Variants in ZDHHC14 observed in about 807,000 individuals in gnomAD.
ZDHHC14 encodes palmitoyltransferase ZDHHC14.
Under a neutral mutation model 47.7 loss-of-function variants are expected in ZDHHC14, and 16 were observed. That is an observed-to-expected ratio of 0.34 (90% CI 0.23 to 0.51). ZDHHC14 has a LOEUF of 0.51. Among genes scored for constraint, ZDHHC14 ranks in the 20% least tolerant of loss-of-function variants. The probability of loss-of-function intolerance (pLI) is 0.97; values close to 1 mark genes in which losing one functional copy is unlikely to be tolerated. For missense variants in ZDHHC14, 515 were observed against 662.5 expected, an observed-to-expected ratio of 0.78 and a Z score of 2.44; for synonymous variants, 293 against 278.9, an observed-to-expected ratio of 1.05 and a Z score of -0.50.
In ZDHHC14 at chr6:157,381,938, G is replaced by A. The variant is rs1777219598; in HGVS notation, c.-84G>A. 1 of 976,368 alleles carries A rather than the reference G, an allele frequency of 1.0e-6. No homozygotes were observed. Among genetic ancestry groups the A allele is most frequent in the Non-Finnish European group, 1.2e-6 (1 of 825,158 alleles). The allele number at this position is 976,368 out of a possible 1,614,324, so 60.5% of individuals were successfully genotyped here. A position where few individuals can be genotyped will look rare whatever the true frequency, so the allele number is the denominator to read the frequency against. ...GCCGCGGCTCGGGGGGCGGCCGGGC[G>A]GCCGGCGGCGGTCGTGGCTCGGCGG... On this transcript the variant is annotated 5_prime_UTR_variant, in exon 1 of 9. Transcript: ENST00000359775.
At chr6:157,532,795 G>A (rs930202213) in intron 1 of ZDHHC14, among the ~76,000 whole-genome samples, 3 of 152,194 alleles carry the variant, frequency 2.0e-5, no homozygotes, top group African/African-American at 7.2e-5. Context: ...AAGAGCTTCA[G>A]CCCGCTGAGG....
At chr6:157,402,205 G>A (rs1291167552) in intron 1 of ZDHHC14, among the ~76,000 whole-genome samples, 2 of 150,524 alleles carry the variant, frequency 1.3e-5, no homozygotes, top group South Asian at 2.1e-4. Context: ...AGTGAGATGC[G>A]CATCTGCTGA....
intron 1 of ZDHHC14, among the ~76,000 whole-genome samples, chr6:157,470,405 A>T (rs947433862): frequency 6.6e-6 from 1 of 152,238 alleles, no homozygotes; most frequent in South Asian, 2.1e-4. Context: ...AAACTGACCT[A>T]ATGACTTCAT....
intron 2 of ZDHHC14, among the ~76,000 whole-genome samples, chr6:157,563,760 G>A (rs562941785): frequency 6.6e-6 from 1 of 152,230 alleles, no homozygotes; most frequent in Non-Finnish European, 1.5e-5. Flanking sequence ...GAACTCTAAG[G>A]CCAGACTTCT....
chr6:157,654,451 T>C (rs186138386), intron 8 of ZDHHC14, among the ~76,000 whole-genome samples: 53 of 152,308 alleles, frequency 3.5e-4, no homozygotes, highest in African/African-American at 1.2e-3. Context: ...CTGTGCTGTG[T>C]GCTCTTTCTA....
chr6:157,677,805 T>G lies in ZDHHC14; in HGVS notation c.*4683T>G, dbSNP rs1451485901. ...GCCACATGGCATGTCCAAGGAGACA[T>G]GCTTTCTGGGTTCTATATGAATAGA... On this transcript the variant is annotated 3_prime_UTR_variant, in exon 9 of 9. Coordinates refer to ENST00000359775, the MANE Select transcript of ZDHHC14 (RefSeq NM_024630.3). The G allele has an allele frequency of 1.3e-5, 2 of 151,058 alleles. No homozygotes were observed. The highest frequency in any genetic ancestry group is 2.9e-5 in the Non-Finnish European group (2 of 67,934). 9.4% of individuals were successfully genotyped at this position (151,058 alleles called of 1,614,324 possible).
chr6:157,596,200 C>T (rs1018037243), intron 3 of ZDHHC14, among the ~76,000 whole-genome samples: 3 of 152,132 alleles, frequency 2.0e-5, no homozygotes, highest in African/African-American at 7.2e-5. Context: ...ATTCTGCATT[C>T]AGGAAAATAG....
chr6:157,593,161 G>C lies in ZDHHC14; in HGVS notation c.565+15G>C. The stretch of plus-strand genomic sequence containing the variant: ...TAACTGCGTAGGTGAGTAGTGCCTG[G>C]GCGGAGCCTGGCGGGAGCCCGGGTC... On this transcript the variant is annotated intron_variant, in intron 3 of 8. Transcript: ENST00000359775. 2 of 1,596,298 alleles carry C rather than the reference G, an allele frequency of 1.3e-6. No homozygotes were observed. Among genetic ancestry groups the C allele is most frequent in the South Asian group, 2.3e-5 (2 of 88,088 alleles).
At chr6:157,426,541 C>G (rs376107336) in intron 1 of ZDHHC14, among the ~76,000 whole-genome samples, 120 of 152,178 alleles carry the variant, frequency 7.9e-4, no homozygotes, top group African/African-American at 2.7e-3. Flanking sequence ...GGGGGAGAAG[C>G]GCACCAGCTC....
rs556410378 is a variant in ZDHHC14 at position 157,622,073 on chromosome 6, TTAA to T, written c.566-6270_566-6268del. The stretch of plus-strand genomic sequence containing the variant: ...AGTAACTGGTAGCTTTCCTTAATCC[TTAA>T]TAATATTCTTTTCGGCTGGGCATGG... On this transcript the variant is annotated intron_variant, in intron 3 of 8. Transcript: ENST00000359775. Among the ~76,000 whole-genome samples, 578 of 152,242 alleles carry T rather than the reference TTAA, an allele frequency of 3.8e-3. 6 individuals are homozygous for T. Among genetic ancestry groups the T allele is most frequent in the African/African-American group, 0.012 (516 of 41,548 alleles).
chr6:157,592,571 C>T (rs1783950614), intron 2 of ZDHHC14, among the ~76,000 whole-genome samples: 1 of 152,200 alleles, frequency 6.6e-6, no homozygotes, highest in African/African-American at 2.4e-5. Flanking sequence ...GAGTCTGGTG[C>T]TCACAGACCT....
Position 157,659,791 on chromosome 6 carries a change from G to T in ZDHHC14, c.1068+6164G>T, listed in dbSNP as rs1452202976. Reference sequence around the variant, plus strand: ...TTCCTTTCTACTTATTTCCTGTTTTGGATATAGTTAGAGCTCAAAATCAAT... The same window carrying T: ...TTCCTTTCTACTTATTTCCTGTTTTTGATATAGTTAGAGCTCAAAATCAAT... On this transcript the variant is annotated intron_variant, in intron 8 of 8. Transcript: ENST00000359775. Among the ~76,000 whole-genome samples, 5 of 152,180 alleles carry T rather than the reference G, an allele frequency of 3.3e-5. No individual in the cohort carries two copies. The East Asian group carries it at 9.6e-4, about 29-fold the overall frequency.
At chr6:157,666,504 G>A (rs928047130) in intron 8 of ZDHHC14, among the ~76,000 whole-genome samples, 4 of 152,182 alleles carry the variant, frequency 2.6e-5, no homozygotes, top group African/African-American at 9.7e-5. Flanking sequence ...TGCATTTTAG[G>A]TGGACTTTAG....
rs1483939820 is a variant in ZDHHC14, at chr6:157,382,215, A to G, written c.194A>G (p.Tyr65Cys). ...IMMARQTGVF[Y>C]LTLVLILVTS... ...ATGGCCCGGCAGACGGGCGTCTTCT[A>G]CCTGACGCTCGTCCTCATCCTGGTC... The change falls in exon 1 of 9, where the codon TAC (tyrosine) becomes TGC (cysteine). Residue 65 changes from tyrosine to cysteine, a missense_variant. This residue lies in a region of ZDHHC14 where 229 missense variants were observed against 351.5 expected (regional missense o/e 0.65). Coordinates refer to ENST00000359775, the MANE Select transcript of ZDHHC14 (RefSeq NM_024630.3). The G allele has an allele frequency of 6.2e-7, 1 of 1,613,180 alleles. No homozygotes were observed. The highest frequency in any genetic ancestry group is 1.1e-5 in the South Asian group (1 of 91,014).
At chr6:157,410,347 T>G (rs1777849850) in intron 1 of ZDHHC14, among the ~76,000 whole-genome samples, 1 of 152,192 alleles carries the variant, frequency 6.6e-6, no homozygotes, top group African/African-American at 2.4e-5. Flanking sequence ...TGCTATGTCA[T>G]GGTAGTGCTA....
intron 1 of ZDHHC14, among the ~76,000 whole-genome samples, chr6:157,414,424 C>T (rs1187126292): frequency 1.3e-5 from 2 of 152,216 alleles, no homozygotes; most frequent in South Asian, 2.1e-4. Context: ...CATGGTGCCA[C>T]CCTTCCACTT....
At chr6:157,514,473 A>G (rs1459595595) in intron 1 of ZDHHC14, among the ~76,000 whole-genome samples, 3 of 152,250 alleles carry the variant, frequency 2.0e-5, no homozygotes, top group East Asian at 3.8e-4. Context: ...CCAATAAAAC[A>G]AAAATATCTG....
intron 8 of ZDHHC14, among the ~76,000 whole-genome samples, chr6:157,669,511 T>C (rs532184594): frequency 4.3e-4 from 65 of 152,270 alleles, no homozygotes; most frequent in African/African-American, 8.4e-4. Context: ...ACCTTGACTG[T>C]CTCCTCCAGC....
rs201727830 is a variant in ZDHHC14 at position 157,460,406 on chromosome 6, A to G, written c.245+78140A>G. The stretch of plus-strand genomic sequence containing the variant: ...AGAGCCAGACTCACTCTCTCTCTGG[A>G]AAAAAAAAAAAAAAAAAAAAAAAAA... On this transcript the variant is annotated intron_variant, in intron 1 of 8. Coordinates refer to ENST00000359775, the MANE Select transcript of ZDHHC14 (RefSeq NM_024630.3). 7.2e-4 allele frequency among the ~76,000 whole-genome samples: 30 copies of G among 41,646 alleles called. 1 individual carries two copies. Among genetic ancestry groups the G allele is most frequent in the East Asian group, 5.8e-3 (16 of 2,778 alleles). The allele number at this position is 41,646 out of a possible 152,430, so 27.3% of individuals were successfully genotyped here.
Sources: gnomAD v4.1 joint callset for allele counts (sites outside exome capture counted in the v4.1 genomes callset) on GRCh38, gnomAD v4.1.1 for gene constraint, gnomAD v4.1.1 regional missense constraint, MANE v1.5 for transcripts, NCBI Gene and HGNC (gene_info 2026-07-23, HGNC 2026-07-21) for gene names.